The following MRPS25 variants were observed in gnomAD, a reference collection of about 807,000 sequenced individuals.
MRPS25 encodes the protein small ribosomal subunit protein mS25.
MRPS25 carries 15 observed loss-of-function variants against 17.3 expected under a neutral mutation model. The ratio of observed to expected loss-of-function variants is 0.87; its 90% CI spans 0.58 to 1.34. MRPS25 has a LOEUF of 1.34. MRPS25 is among the 40% of genes most tolerant of loss of function. The pLI is 0.00. For synonymous variants in MRPS25, 94 were observed against 83.3 expected (o/e 1.13, Z -0.70); for missense variants, 225 against 218.6 (o/e 1.03, Z -0.19).
chr3:15,054,884 ATT>A (rs1427579165), intron 2 of MRPS25, among the ~76,000 whole-genome samples: 1 of 152,240 alleles, frequency 6.6e-6, no homozygotes, highest in Non-Finnish European at 1.5e-5. Context: ...ATCTGAATAT[ATT>A]AGTTCATTCT....
intron 2 of MRPS25, among the ~76,000 whole-genome samples, chr3:15,057,309 T>C (rs963323930): frequency 6.6e-6 from 1 of 152,212 alleles, no homozygotes; most frequent in African/African-American, 2.4e-5. Context: ...CCCGGCCTCC[T>C]CACTCTCCTG....
intron 1 of MRPS25, among the ~76,000 whole-genome samples, chr3:15,061,934 G>C (rs1317991004): frequency 6.8e-6 from 1 of 147,734 alleles, no homozygotes; most frequent in Admixed American, 6.7e-5. Flanking sequence ...GAGCCCCTCC[G>C]CCCGGCAGCC....
At position 15,050,476 on chromosome 3, in the gene MRPS25, A is replaced by G. The variant is rs980917986; in HGVS notation, c.*1965T>C. 3.0e-6 allele frequency: 3 copies of G among 987,132 alleles called. No homozygotes were observed. The highest frequency in any genetic ancestry group is 3.6e-6 in the Non-Finnish European group (3 of 831,400). The allele number at this position is 987,132 out of a possible 1,614,324, so 61.1% of individuals were successfully genotyped here. ...CATAAGGCTTTGTGTGTCACTAGCT[A>G]TGGAGACCTACACTGCAGATGAAAG... On this transcript the variant is annotated 3_prime_UTR_variant, in exon 4 of 4. Transcript: ENST00000253686.
At chr3:15,045,200 G>C (rs957833675), downstream of MRPS25, 1 of 152,128 alleles carries the variant, frequency 6.6e-6, no homozygotes, top group Non-Finnish European at 1.5e-5. Flanking sequence ...GCCTTCCGTC[G>C]TTTTGATCCT....
At chr3:15,048,240 C>A (rs2042525346), downstream of MRPS25, 1 of 152,684 alleles carries the variant, frequency 6.5e-6, no homozygotes. Flanking sequence ...ATTTCACTGG[C>A]CTCATCCCAC....
chr3:15,061,347 CT>C (rs1199415845), intron 1 of MRPS25, among the ~76,000 whole-genome samples: 1 of 152,028 alleles, frequency 6.6e-6, no homozygotes, highest in Non-Finnish European at 1.5e-5. Context: ...TGCCCAGCGC[CT>C]GCGATTGCAG....
rs1436279482 is a variant in MRPS25 at position 15,050,093 on chromosome 3, AAAC to A, written c.*2345_*2347del. ...TTTAAACCCATCTTTCATCACTACT[AAAC>A]AAAATAGGGAAAGACAAAGGTTTAA... is the stretch of plus-strand genomic sequence containing the variant. On this transcript the variant is annotated 3_prime_UTR_variant, in exon 4 of 4. Transcript: ENST00000253686. The A allele has an allele frequency of 7.1e-7, 1 of 1,409,486 alleles. No homozygotes were observed. Among genetic ancestry groups the A allele is most frequent in the African/African-American group, 1.5e-5 (1 of 66,270 alleles). 87.3% of individuals were successfully genotyped at this position (1,409,486 alleles called of 1,614,324 possible).
At chr3:15,044,926 A>G (rs1210425570), downstream of MRPS25, 2 of 152,236 alleles carry the variant, frequency 1.3e-5, no homozygotes, top group African/African-American at 4.8e-5. Context: ...GGATTTAATT[A>G]TATCATTTTA....
intron 2 of MRPS25, among the ~76,000 whole-genome samples, chr3:15,056,840 GAGCGAGGACGCGC>G (rs1433728889): frequency 6.6e-6 from 1 of 152,240 alleles, no homozygotes; most frequent in Non-Finnish European, 1.5e-5. Flanking sequence ...ATATCAGCAT[GAGCGAGGACGCGC>G]AGCTGCTGGA....
downstream of MRPS25, among the ~76,000 whole-genome samples, chr3:15,042,254 A>G (rs1030340635): frequency 2.6e-5 from 4 of 152,172 alleles, no homozygotes; most frequent in Non-Finnish European, 4.4e-5. Context: ...AATGAAAGCT[A>G]TTTTACTGCT....
downstream of MRPS25, chr3:15,042,374 TC>T (rs2042300367): frequency 6.5e-6 from 1 of 152,756 alleles, no homozygotes; most frequent in African/African-American, 2.4e-5. Context: ...GTGAACATTT[TC>T]CCAATACTTT....
chr3:15,044,876 G>C (rs971239318), downstream of MRPS25: 1 of 152,240 alleles, frequency 6.6e-6, no homozygotes, highest in African/African-American at 2.4e-5. Flanking sequence ...TGTTAGTAGG[G>C]TAAGTGGGAA....
downstream of MRPS25, chr3:15,045,871 G>C (rs2125116602): frequency 6.6e-6 from 1 of 151,948 alleles, no homozygotes; most frequent in African/African-American, 2.4e-5. Flanking sequence ...TCAATGAGGA[G>C]AGGCAGCTGG....
intron 2 of MRPS25, among the ~76,000 whole-genome samples, chr3:15,053,812 T>G (rs1411902425): frequency 6.6e-6 from 1 of 152,146 alleles, no homozygotes; most frequent in Non-Finnish European, 1.5e-5. Flanking sequence ...CTGTAGAAAC[T>G]TAGAAATTAA....
rs1033517181 is a variant in MRPS25 at position 15,053,269 on chromosome 3, G to A, written c.329+111C>T. The A allele has an allele frequency of 4.9e-5, 76 of 1,547,520 alleles. No individual in the cohort carries two copies. In the Middle Eastern group the frequency reaches 8.9e-4, roughly 18 times the overall value. ...GCCCCAGCTCTTATTAGTGTCTGGC[G>A]TTCACTGTCAGAGAATCTTACCTCT... On this transcript the variant is annotated intron_variant, in intron 3 of 3. Coordinates refer to ENST00000253686, the MANE Select transcript of MRPS25 (RefSeq NM_022497.5).
At chr3:15,056,826 A>C (rs549376296) in intron 2 of MRPS25, among the ~76,000 whole-genome samples, 24 of 152,340 alleles carry the variant, frequency 1.6e-4, no homozygotes, top group African/African-American at 5.8e-4. Context: ...ACATTAATAC[A>C]ACAATATCAG....
At chr3:15,060,531 AAAAG>A (rs1376759897) in intron 1 of MRPS25, among the ~76,000 whole-genome samples, 3 of 151,306 alleles carry the variant, frequency 2.0e-5, no homozygotes, top group Non-Finnish European at 4.4e-5. Context: ...AAAAAAAAAA[AAAAG>A]AAAAGTGGCT....
Position 15,050,270 on chromosome 3 carries a change from G to A in MRPS25, c.*2171C>T, listed in dbSNP as rs1438982558. 8.9e-7 allele frequency: 1 copy of A among 1,121,652 alleles called. No individual in the cohort carries two copies. The highest frequency in any genetic ancestry group is 1.1e-6 in the Non-Finnish European group (1 of 915,988). 69.5% of individuals were successfully genotyped at this position (1,121,652 alleles called of 1,614,324 possible). A position where few individuals can be genotyped will look rare whatever the true frequency, so the allele number is the denominator to read the frequency against. ...TGCTGTCTCCACACGTCCTTTCAGG[G>A]TCTGGGCTGTCCACCTCACTGCCCA... is the stretch of plus-strand genomic sequence containing the variant. On this transcript the variant is annotated 3_prime_UTR_variant, in exon 4 of 4. Transcript: ENST00000253686.
chr3:15,055,781 C>T (rs2042663067), intron 2 of MRPS25, among the ~76,000 whole-genome samples: 1 of 152,034 alleles, frequency 6.6e-6, no homozygotes, highest in Non-Finnish European at 1.5e-5. Context: ...AATTTCTGCT[C>T]TTCAAAAGAC....
Sources: gnomAD v4.1 joint callset for allele counts (sites outside exome capture counted in the v4.1 genomes callset) on GRCh38, gnomAD v4.1.1 for gene constraint, MANE v1.5 for transcripts, NCBI Gene and HGNC (gene_info 2026-07-23, HGNC 2026-07-21) for gene names.